SLC35F3: variants seen among roughly 807,000 people sequenced by gnomAD.
The protein encoded by SLC35F3 is solute carrier family 35 member F3.
A neutral mutation model predicts 49.9 loss-of-function variants in SLC35F3; 25 were observed. The ratio of observed to expected loss-of-function variants is 0.50; its 90% CI spans 0.37 to 0.70. The LOEUF (loss-of-function observed/expected upper bound fraction) is 0.70. Ranked by LOEUF, SLC35F3 falls within the 30% of genes least tolerant of loss-of-function variation. The probability of loss-of-function intolerance (pLI) is 0.00; values close to 1 mark genes in which losing one functional copy is unlikely to be tolerated. For missense variants in SLC35F3, 525 were observed against 639.8 expected, an observed-to-expected ratio of 0.82 and a Z score of 1.94; for synonymous variants, 275 against 265.4, an observed-to-expected ratio of 1.04 and a Z score of -0.35.
intron 2 of SLC35F3, among the ~76,000 whole-genome samples, chr1:234,011,525 G>C (rs573840516): frequency 6.6e-6 from 1 of 152,268 alleles, no homozygotes; most frequent in Admixed American, 6.5e-5. Flanking sequence ...ACTGTGAACA[G>C]AACTCCATCA....
intron 2 of SLC35F3, among the ~76,000 whole-genome samples, chr1:234,211,981 C>T (rs897815195): frequency 4.6e-5 from 7 of 152,064 alleles, no homozygotes; most frequent in African/African-American, 1.7e-4. Context: ...CAGGCCTTTC[C>T]CATGCTGCTC....
At chr1:233,958,910 A>G (rs759402512) in intron 2 of SLC35F3, among the ~76,000 whole-genome samples, 1 of 152,170 alleles carries the variant, frequency 6.6e-6, no homozygotes, top group African/African-American at 2.4e-5. Flanking sequence ...CCTTTTTTCC[A>G]TGATAGAAAA....
chr1:234,158,839 T>C (rs920397110), intron 2 of SLC35F3, among the ~76,000 whole-genome samples: 3 of 152,242 alleles, frequency 2.0e-5, no homozygotes, highest in African/African-American at 7.2e-5. Flanking sequence ...GAAATATATG[T>C]AATCACTGCT....
At chr1:234,149,952 A>G (rs932224461) in intron 2 of SLC35F3, among the ~76,000 whole-genome samples, 2 of 152,212 alleles carry the variant, frequency 1.3e-5, no homozygotes, top group African/African-American at 4.8e-5. Flanking sequence ...AATGTGCTAC[A>G]GGATGCATTT....
rs139403253 is a variant in SLC35F3, at chr1:233,907,787, A to G, written c.283+2029A>G. 7.2e-3 allele frequency among the ~76,000 whole-genome samples: 1,095 copies of G among 152,048 alleles called. 17 individuals carry two copies. Among genetic ancestry groups the G allele is most frequent in the African/African-American group, 0.022 (919 of 41,468 alleles). The stretch of plus-strand genomic sequence containing the variant: ...AGGCTGGAGTGTAGAGTGCAGTGGC[A>G]TGATCTTGGCTCACTGCAACCTCCA... On this transcript the variant is annotated intron_variant, in intron 2 of 7. Transcript: ENST00000366618.
chr1:234,013,499 T>G (rs994910193), intron 2 of SLC35F3, among the ~76,000 whole-genome samples: 1 of 143,214 alleles, frequency 7.0e-6, no homozygotes, highest in Non-Finnish European at 1.5e-5. Flanking sequence ...AAAGCAGAAA[T>G]AAATGAAACA....
At position 234,157,563 on chromosome 1, in the gene SLC35F3, T is replaced by C. The variant is rs112104397; in HGVS notation, c.284-73854T>C. Among the ~76,000 whole-genome samples the C allele has an allele frequency of 6.2e-3, 941 of 152,342 alleles. 13 individuals carry two copies. Among genetic ancestry groups the C allele is most frequent in the African/African-American group, 0.022 (900 of 41,574 alleles). On this transcript the variant is annotated intron_variant, in intron 2 of 7. Coordinates refer to ENST00000366618, the MANE Select transcript of SLC35F3 (RefSeq NM_173508.4). The stretch of plus-strand genomic sequence containing the variant: ...TGAGGACGCAATTCTGAAAACACAG[T>C]GCAAGCATGGTTGTTTTCTCTCGGG...
intron 2 of SLC35F3, among the ~76,000 whole-genome samples, chr1:234,019,593 T>C (rs1663861148): frequency 6.6e-6 from 1 of 152,190 alleles, no homozygotes; most frequent in South Asian, 2.1e-4. Flanking sequence ...GAGGCCCACC[T>C]ACATTTTGGA....
At chr1:234,310,200 C>T (rs752482644) in intron 4 of SLC35F3, among the ~76,000 whole-genome samples, 41 of 152,146 alleles carry the variant, frequency 2.7e-4, no homozygotes, top group Admixed American at 9.2e-4. Context: ...TTAGCCAGGC[C>T]GCTAGTTCTC....
chr1:233,930,354 G>C (rs1032588855), intron 2 of SLC35F3, among the ~76,000 whole-genome samples: 9 of 152,098 alleles, frequency 5.9e-5, no homozygotes, highest in Non-Finnish European at 1.0e-4. Context: ...CTTTAATTGG[G>C]TGCTCATCAA....
intron 2 of SLC35F3, among the ~76,000 whole-genome samples, chr1:233,917,439 A>G (rs1558177796): frequency 6.7e-6 from 1 of 150,110 alleles, no homozygotes; most frequent in Non-Finnish European, 1.5e-5. Context: ...GTCATTAAAC[A>G]TTTTTTTTTT....
intron 2 of SLC35F3, among the ~76,000 whole-genome samples, chr1:234,164,763 G>A (rs935369134): frequency 6.8e-6 from 1 of 148,054 alleles, no homozygotes; most frequent in Non-Finnish European, 1.5e-5. Context: ...CTTTTCTCAA[G>A]GAGAGTTGTG....
chr1:234,149,280 G>T (rs559883935), intron 2 of SLC35F3, among the ~76,000 whole-genome samples: 1 of 152,280 alleles, frequency 6.6e-6, no homozygotes, highest in East Asian at 1.9e-4. Context: ...ACATGAGGTA[G>T]GAAATTAGAC....
chr1:234,194,509 T>C (rs1395646180), intron 2 of SLC35F3, among the ~76,000 whole-genome samples: 6 of 152,116 alleles, frequency 3.9e-5, no homozygotes, highest in African/African-American at 1.4e-4. Context: ...ACTGCTCAGG[T>C]GATGCATGCA....
chr1:233,936,652 C>T (rs1662338296), intron 2 of SLC35F3, among the ~76,000 whole-genome samples: 2 of 151,860 alleles, frequency 1.3e-5, no homozygotes, highest in Admixed American at 6.6e-5. Context: ...CTCTTCTCCT[C>T]CTCCTTTCTT....
intron 2 of SLC35F3, among the ~76,000 whole-genome samples, chr1:233,942,165 G>T (rs1204787514): frequency 6.6e-6 from 1 of 151,882 alleles, no homozygotes; most frequent in East Asian, 1.9e-4. Context: ...GTTTCACTAT[G>T]TTGGCCAGGC....
Position 234,214,341 on chromosome 1 carries a change from G to C in SLC35F3, c.284-17076G>C. 7.6e-7 allele frequency: 1 copy of C among 1,313,048 alleles called. No homozygotes were observed. The highest frequency in any genetic ancestry group is 9.7e-7 in the Non-Finnish European group (1 of 1,033,236). The allele number at this position is 1,313,048 out of a possible 1,614,324, so 81.3% of individuals were successfully genotyped here. A position where few individuals can be genotyped will look rare whatever the true frequency, so the allele number is the denominator to read the frequency against. ...GTGAGCAACGCGGCAACCGGAGCCCGGCGGGCAGCCGGGGAGGCCGGGACT... is the reference window on the plus strand; with the variant it reads ...GTGAGCAACGCGGCAACCGGAGCCCCGCGGGCAGCCGGGGAGGCCGGGACT... On this transcript the variant is annotated intron_variant, in intron 2 of 7. Coordinates refer to ENST00000366618, the MANE Select transcript of SLC35F3 (RefSeq NM_173508.4). The surrounding 1 kb of genome is among the most constrained non-coding windows in gnomAD (Gnocchi z 8.0).
At chr1:234,281,433 A>G (rs1343270078) in intron 3 of SLC35F3, among the ~76,000 whole-genome samples, 1 of 152,182 alleles carries the variant, frequency 6.6e-6, no homozygotes, top group African/African-American at 2.4e-5. Flanking sequence ...GCAGACCCAG[A>G]CATACAAGTT....
chr1:234,140,233 A>G (rs1183993998), intron 2 of SLC35F3, among the ~76,000 whole-genome samples: 5 of 152,104 alleles, frequency 3.3e-5, no homozygotes, highest in Non-Finnish European at 5.9e-5. Context: ...CACAATGCCT[A>G]TGTTATTTAT....
Sources: gnomAD v4.1 joint callset for allele counts (sites outside exome capture counted in the v4.1 genomes callset) on GRCh38, gnomAD v4.1.1 for gene constraint, Gnocchi (gnomAD v3.1) non-coding constraint, MANE v1.5 for transcripts, NCBI Gene and HGNC (gene_info 2026-07-23, HGNC 2026-07-21) for gene names.